PTPRK: variants seen among roughly 807,000 people sequenced by gnomAD.
The protein encoded by PTPRK is receptor-type tyrosine-protein phosphatase kappa.
A neutral mutation model predicts 178.0 loss-of-function variants in PTPRK; 75 were observed. The observed-to-expected ratio is 0.42, with a 90% CI of 0.35 to 0.51. The LOEUF is 0.51. Among genes scored for constraint, PTPRK ranks in the 20% least tolerant of loss-of-function variants. The pLI, the probability that PTPRK is intolerant of heterozygous loss-of-function variation, is 0.02. For missense variants in PTPRK, 1,441 were observed against 1,797.8 expected (o/e 0.80, Z 3.59); for synonymous variants, 637 against 620.6 (o/e 1.03, Z -0.39).
At position 128,279,959 on chromosome 6, in the gene PTPRK, T is replaced by A. The variant is rs76957828; in HGVS notation, c.496-37357A>T. On this transcript the variant is annotated intron_variant, in intron 3 of 29. Coordinates refer to ENST00000368226, the MANE Select transcript of PTPRK (RefSeq NM_002844.4). ...GTAAAGTCTTTGTTAATCACTGACT[T>A]ACTAGAACAGACCCATTGGACATGC... is the stretch of plus-strand genomic sequence containing the variant. 3.4e-3 allele frequency among the ~76,000 whole-genome samples: 518 copies of A among 152,312 alleles called. 2 individuals carry two copies. The highest frequency in any genetic ancestry group is 0.012 in the African/African-American group (494 of 41,572).
intron 3 of PTPRK, among the ~76,000 whole-genome samples, chr6:128,300,309 T>C (rs1198799686): frequency 6.6e-6 from 1 of 152,042 alleles, no homozygotes; most frequent in Non-Finnish European, 1.5e-5. Flanking sequence ...TGGAAGTCAG[T>C]GGGGGGATTC....
intron 13 of PTPRK, among the ~76,000 whole-genome samples, chr6:128,046,779 T>C (rs1214331499): frequency 1.3e-5 from 2 of 151,824 alleles, no homozygotes; most frequent in African/African-American, 2.4e-5. Context: ...GATTGTGGAG[T>C]TGTTCAAGTT....
intron 7 of PTPRK, among the ~76,000 whole-genome samples, chr6:128,127,613 G>A (rs1156769521): frequency 2.0e-5 from 3 of 152,176 alleles, no homozygotes; most frequent in African/African-American, 7.2e-5. Flanking sequence ...CTTGATGCAA[G>A]GTCACAATGT....
At chr6:128,096,403 T>C (rs1449411734) in intron 7 of PTPRK, among the ~76,000 whole-genome samples, 1 of 152,198 alleles carries the variant, frequency 6.6e-6, no homozygotes, top group African/African-American at 2.4e-5. Flanking sequence ...TTTTTGGCAC[T>C]TGCTAAACAA....
chr6:128,500,608 T>A (rs1369829399), intron 1 of PTPRK: 1 of 152,208 alleles, frequency 6.6e-6, no homozygotes, highest in Non-Finnish European at 1.5e-5. Flanking sequence ...AGAGTTTATA[T>A]GAACATATGT....
At chr6:128,059,077 T>C (rs550498932) in intron 13 of PTPRK, among the ~76,000 whole-genome samples, 5 of 152,154 alleles carry the variant, frequency 3.3e-5, no homozygotes, top group African/African-American at 1.2e-4. Flanking sequence ...TAACTTTATA[T>C]TGGCCTTGAT....
At chr6:128,082,328 G>T (rs1462069315) in intron 10 of PTPRK, 109 bp downstream of exon 10, 3 of 1,029,916 alleles carry the variant, frequency 2.9e-6, no homozygotes, top group Non-Finnish European at 4.5e-6. Context: ...TATATTAAAG[G>T]TTCAACAAGC....
At position 128,139,755 on chromosome 6, in the gene PTPRK, C is replaced by T. The variant is rs867589504; in HGVS notation, c.1162+44677G>A. 4.6e-5 allele frequency among the ~76,000 whole-genome samples: 7 copies of T among 152,132 alleles called. No individual in the cohort carries two copies. In the South Asian group the frequency reaches 1.0e-3, roughly 23 times the overall value. ...ACATCCAGGAGCTCTGAGTAAATCA[C>T]GCAGTACTGAAGAGTCCATGAGAAT... On this transcript the variant is annotated intron_variant, in intron 7 of 29. Coordinates refer to ENST00000368226, the MANE Select transcript of PTPRK (RefSeq NM_002844.4).
At chr6:128,064,734 A>T (rs1781459924) in intron 13 of PTPRK, 24 bp downstream of exon 13, 1 of 1,581,846 alleles carries the variant, frequency 6.3e-7, no homozygotes, top group Non-Finnish European at 8.5e-7. Context: ...TAGTTAAAAC[A>T]AGCAAAAAAA....
At chr6:128,411,316 T>A (rs535210639) in intron 1 of PTPRK, among the ~76,000 whole-genome samples, 1 of 152,348 alleles carries the variant, frequency 6.6e-6, no homozygotes, top group East Asian at 1.9e-4. Context: ...ATTGTACTTT[T>A]TCTAAATCTC....
At chr6:128,260,304 G>A (rs1817991516) in intron 3 of PTPRK, among the ~76,000 whole-genome samples, 1 of 152,120 alleles carries the variant, frequency 6.6e-6, no homozygotes. Context: ...ATGACTGTGA[G>A]AAGTGGTTTG....
intron 3 of PTPRK, among the ~76,000 whole-genome samples, chr6:128,305,967 C>A (rs781545700): frequency 2.0e-5 from 3 of 152,130 alleles, no homozygotes; most frequent in Non-Finnish European, 2.9e-5. Context: ...AAGGCAAAGG[C>A]GAAGCAGATA....
chr6:128,231,806 T>C (rs1812347952), intron 5 of PTPRK, among the ~76,000 whole-genome samples: 1 of 152,194 alleles, frequency 6.6e-6, no homozygotes, highest in Non-Finnish European at 1.5e-5. Flanking sequence ...AACAAACTCA[T>C]TGACTGTCTT....
intron 7 of PTPRK, among the ~76,000 whole-genome samples, chr6:128,129,539 C>T (rs1793896444): frequency 6.6e-6 from 1 of 151,990 alleles, no homozygotes; most frequent in African/African-American, 2.4e-5. Flanking sequence ...CCTTCAACAA[C>T]AACAACAGAA....
chr6:127,971,804 T>C (rs1483437849), intron 29 of PTPRK, among the ~76,000 whole-genome samples: 1 of 152,188 alleles, frequency 6.6e-6, no homozygotes, highest in Non-Finnish European at 1.5e-5. Flanking sequence ...ATCCCACTGA[T>C]GATTTTAAGA....
intron 11 of PTPRK, among the ~76,000 whole-genome samples, chr6:128,077,964 G>T (rs765225504): frequency 1.3e-5 from 2 of 151,900 alleles, no homozygotes; most frequent in African/African-American, 2.4e-5. Context: ...GGTCAAAAAG[G>T]CTTCATGTGT....
intron 2 of PTPRK, among the ~76,000 whole-genome samples, chr6:128,342,073 T>C (rs1831738040): frequency 6.6e-6 from 1 of 152,052 alleles, no homozygotes; most frequent in Non-Finnish European, 1.5e-5. Context: ...GACAACATGA[T>C]GAAACCCCGT....
In PTPRK at chr6:128,318,429, T is replaced by C. The variant is rs189313206; in HGVS notation, c.495+3610A>G. 4.0e-3 allele frequency among the ~76,000 whole-genome samples: 605 copies of C among 152,318 alleles called. 4 individuals are homozygous for C. The highest frequency in any genetic ancestry group is 6.2e-3 in the Non-Finnish European group (424 of 68,020). ...ATGCCTGTCAATTCTTACATTTTTT[T>C]TCAAACCAATGGAAAATGTTAAGAA... On this transcript the variant is annotated intron_variant, in intron 3 of 29. Transcript: ENST00000368226.
chr6:128,435,230 A>C (rs925239648), intron 1 of PTPRK, among the ~76,000 whole-genome samples: 1 of 152,274 alleles, frequency 6.6e-6, no homozygotes, highest in African/African-American at 2.4e-5. Flanking sequence ...AACAAAAATC[A>C]AGAAAATGCT....
Sources: gnomAD v4.1 joint callset for allele counts (sites outside exome capture counted in the v4.1 genomes callset) on GRCh38, gnomAD v4.1.1 for gene constraint, MANE v1.5 for transcripts, NCBI Gene and HGNC (gene_info 2026-07-23, HGNC 2026-07-21) for gene names.